DPP6: variants seen among roughly 807,000 people sequenced by gnomAD.
DPP6 encodes dipeptidyl peptidase like 6, also known as A-type potassium channel modulatory protein DPP6.
In DPP6, 69 loss-of-function variants were observed where a neutral mutation model predicts 122.6. That is an observed-to-expected ratio of 0.56 (90% CI 0.46 to 0.69). The LOEUF is 0.69. Among genes scored for constraint, DPP6 ranks in the 30% least tolerant of loss-of-function variants. DPP6 has a pLI of 0.00. For synonymous variants in DPP6, 418 were observed against 433.1 expected, an observed-to-expected ratio of 0.97 and a Z score of 0.43; for missense variants, 928 against 1,116.9, an observed-to-expected ratio of 0.83 and a Z score of 2.41.
chr7:154,552,466 T>G (rs920345411), intron 4 of DPP6, among the ~76,000 whole-genome samples: 1 of 152,200 alleles, frequency 6.6e-6, no homozygotes, highest in African/African-American at 2.4e-5. Context: ...GGAAGTTTGT[T>G]GATTTCAGGA....
intron 3 of DPP6, among the ~76,000 whole-genome samples, chr7:154,534,622 GA>G (rs1828091808): frequency 6.6e-6 from 1 of 152,116 alleles, no homozygotes; most frequent in African/African-American, 2.4e-5. Context: ...CATTTACAAT[GA>G]AAAAATATTG....
intron 1 of DPP6, among the ~76,000 whole-genome samples, chr7:154,333,592 A>G (rs537179475): frequency 3.3e-5 from 5 of 152,316 alleles, no homozygotes; most frequent in South Asian, 2.1e-4. Flanking sequence ...GTTAATCTCC[A>G]TGGCTCATAT....
chr7:154,131,658 C>A (rs1252338928), intron 1 of DPP6, among the ~76,000 whole-genome samples: 1 of 152,290 alleles, frequency 6.6e-6, no homozygotes, highest in Non-Finnish European at 1.5e-5. Flanking sequence ...GGGTTTTTCT[C>A]TTACTAATTA....
intron 1 of DPP6, among the ~76,000 whole-genome samples, chr7:154,379,342 A>G (rs1471690429): frequency 1.3e-5 from 2 of 151,902 alleles, no homozygotes; most frequent in Non-Finnish European, 2.9e-5. Flanking sequence ...GGAACATCAC[A>G]CACCAGGGCC....
chr7:154,212,688 A>T (rs1799803063), intron 1 of DPP6, among the ~76,000 whole-genome samples: 2 of 152,204 alleles, frequency 1.3e-5, no homozygotes, highest in Admixed American at 1.3e-4. Flanking sequence ...ATTTATGGAA[A>T]CCATCAATTG....
chr7:154,891,671 C>T (rs796941046), intron 25 of DPP6, among the ~76,000 whole-genome samples: 4 of 152,176 alleles, frequency 2.6e-5, no homozygotes, highest in African/African-American at 7.2e-5. Context: ...CAGCAACCTC[C>T]GCCTCCTGGG....
At chr7:154,663,394 C>CG (rs1837900763) in intron 6 of DPP6, among the ~76,000 whole-genome samples, 1 of 41,930 alleles carries the variant, frequency 2.4e-5, no homozygotes, top group Non-Finnish European at 8.9e-5. Context: ...CGTATTGGCG[C>CG]TAGTATTCAT....
intron 1 of DPP6, among the ~76,000 whole-genome samples, chr7:154,139,248 G>A (rs1399568974): frequency 7.1e-6 from 1 of 141,598 alleles, no homozygotes; most frequent in Non-Finnish European, 1.5e-5. Context: ...AACTCTGGAA[G>A]CCTCAGAACC....
intron 6 of DPP6, among the ~76,000 whole-genome samples, chr7:154,660,644 T>C (rs1432319703): frequency 7.3e-6 from 1 of 137,466 alleles, no homozygotes; most frequent in African/African-American, 3.0e-5. Context: ...ATACTCATGG[T>C]GAATCACCAT....
chr7:154,238,166 T>G (rs1801343347), intron 1 of DPP6, among the ~76,000 whole-genome samples: 1 of 152,230 alleles, frequency 6.6e-6, no homozygotes, highest in Non-Finnish European at 1.5e-5. Flanking sequence ...AATATTGATC[T>G]TGTCACTTTG....
In DPP6 at chr7:154,062,015, G is replaced by A. The variant is rs200957388; in HGVS notation, c.243+8952G>A. ...CCTGGCTGTTGGTACCCCCATCGCA[G>A]GGGGGGGGAGGCACCCCCCGCGAGG... On this transcript the variant is annotated intron_variant, in intron 1 of 25. Coordinates refer to ENST00000377770, the MANE Select transcript of DPP6 (RefSeq NM_130797.4). Among the ~76,000 whole-genome samples the A allele has an allele frequency of 2.6e-3, 107 of 40,394 alleles. 1 individual carries two copies. Among genetic ancestry groups the A allele is most frequent in the Middle Eastern group, 0.022 (1 of 46 alleles). The allele number at this position is 40,394 out of a possible 152,430, so 26.5% of individuals were successfully genotyped here. A position where few individuals can be genotyped will look rare whatever the true frequency, so the allele number is the denominator to read the frequency against.
chr7:153,920,531 G>GT (rs1800582271), intron 1 of DPP6, among the ~76,000 whole-genome samples: 1 of 141,618 alleles, frequency 7.1e-6, no homozygotes, highest in African/African-American at 2.6e-5. Context: ...TACTTCCTGT[G>GT]TAGGTAGTCA....
the DPP6 span, among the ~76,000 whole-genome samples, chr7:153,837,805 G>A: frequency 2.0e-5 from 3 of 149,382 alleles, no homozygotes; most frequent in East Asian, 2.0e-4. Flanking sequence ...TGAGTAGCTG[G>A]GACTACAGGC....
intron 1 of DPP6, among the ~76,000 whole-genome samples, chr7:154,082,834 T>G (rs1804117481): frequency 8.1e-6 from 1 of 123,866 alleles, no homozygotes; most frequent in South Asian, 3.0e-4. Flanking sequence ...TGTGTGCCTA[T>G]CTTTTCTTTT....
chr7:154,617,957 A>C lies in DPP6; in HGVS notation c.628-19864A>C, dbSNP rs1834374190. 2.0e-5 allele frequency among the ~76,000 whole-genome samples: 3 copies of C among 152,128 alleles called. No homozygotes were observed. The South Asian group carries it at 6.2e-4, about 32-fold the overall frequency. Reference sequence around the variant, plus strand: ...TCATTAAAGAAGGGAGAGGGACTTCATAAGTGACCAGTCGAGAGCTAGGCC... The same window carrying C: ...TCATTAAAGAAGGGAGAGGGACTTCCTAAGTGACCAGTCGAGAGCTAGGCC... On this transcript the variant is annotated intron_variant, in intron 5 of 25. Coordinates refer to ENST00000377770, the MANE Select transcript of DPP6 (RefSeq NM_130797.4).
chr7:154,424,586 G>C (rs538242980), intron 1 of DPP6, among the ~76,000 whole-genome samples: 2 of 152,080 alleles, frequency 1.3e-5, no homozygotes, highest in African/African-American at 4.8e-5. Context: ...TTGAGCCCAC[G>C]TGGATAATTC....
At chr7:154,742,273 G>C (rs1014439570) in intron 8 of DPP6, among the ~76,000 whole-genome samples, 1 of 152,156 alleles carries the variant, frequency 6.6e-6, no homozygotes, top group Non-Finnish European at 1.5e-5. Flanking sequence ...CCTCTACCAG[G>C]TCCTCCAAGG....
the DPP6 span, among the ~76,000 whole-genome samples, chr7:153,872,598 A>C: frequency 7.7e-4 from 117 of 152,330 alleles, 2 homozygotes; most frequent in African/African-American, 2.6e-3. Context: ...CCTGTTTTTC[A>C]TAAATTAATC....
At chr7:154,372,022 G>A (rs1255862802) in intron 1 of DPP6, among the ~76,000 whole-genome samples, 1 of 152,076 alleles carries the variant, frequency 6.6e-6, no homozygotes, top group Non-Finnish European at 1.5e-5. Context: ...GTAAAGAGGA[G>A]AAAGGCAGAC....
Sources: gnomAD v4.1 joint callset for allele counts (sites outside exome capture counted in the v4.1 genomes callset) on GRCh38, gnomAD v4.1.1 for gene constraint, MANE v1.5 for transcripts, NCBI Gene and HGNC (gene_info 2026-07-23, HGNC 2026-07-21) for gene names.